Variants in ANKHD1 observed in about 807,000 individuals in gnomAD.
ANKHD1 encodes ankyrin repeat and KH domain-containing protein 1.
In ANKHD1, 31 loss-of-function variants were observed where a neutral mutation model predicts 230.5. That is an observed-to-expected ratio of 0.13 (90% CI 0.10 to 0.18). The LOEUF is 0.18. Among genes scored for constraint, ANKHD1 ranks in the 10% least tolerant of loss-of-function variants. ANKHD1 has a pLI of 1.00. For synonymous variants in ANKHD1, 1,074 were observed against 1,117.6 expected (o/e 0.96, Z 0.78); for missense variants, 2,256 against 3,071.3 (o/e 0.73, Z 6.27).
intron 1 of ANKHD1, among the ~76,000 whole-genome samples, chr5:140,406,227 GAC>G (rs1770427080): frequency 6.7e-6 from 1 of 148,912 alleles, no homozygotes; most frequent in Non-Finnish European, 1.5e-5. Flanking sequence ...GACAGAGAGA[GAC>G]TCTGTCTCAA....
At position 140,432,340 on chromosome 5, in the gene ANKHD1, G is replaced by A. The variant is rs182124909; in HGVS notation, c.307-3764G>A. Among the ~76,000 whole-genome samples the A allele has an allele frequency of 1.9e-3, 296 of 152,224 alleles. 1 individual carries two copies. Among genetic ancestry groups the A allele is most frequent in the African/African-American group, 6.9e-3 (287 of 41,534 alleles). ...TCATATAAATGGGATCATATAATGG[G>A]ACCTTTTGTGTCTCCCTTCTTTCAC... is the stretch of plus-strand genomic sequence containing the variant. On this transcript the variant is annotated intron_variant, in intron 1 of 33. Coordinates refer to ENST00000360839, the MANE Select transcript of ANKHD1 (RefSeq NM_017747.3).
chr5:140,522,073 C>T (rs1753374586), intron 24 of ANKHD1, among the ~76,000 whole-genome samples: 1 of 152,202 alleles, frequency 6.6e-6, no homozygotes. Context: ...TTATGACTGT[C>T]ATAAAAAGAA....
At chr5:140,455,512 C>T (rs2126956511) in intron 7 of ANKHD1, among the ~76,000 whole-genome samples, 1 of 152,268 alleles carries the variant, frequency 6.6e-6, no homozygotes, top group African/African-American at 2.4e-5. Flanking sequence ...AAAGCTTATC[C>T]ACCATGATCA....
intron 14 of ANKHD1, among the ~76,000 whole-genome samples, chr5:140,489,175 G>GC (rs541469134): frequency 7.9e-4 from 118 of 149,956 alleles, no homozygotes; most frequent in African/African-American, 2.8e-3. Context: ...GGGCCACAGA[G>GC]CGAGACCTTG....
chr5:140,506,811 C>T lies in ANKHD1; in HGVS notation c.3409-24C>T, dbSNP rs1386423371. On this transcript the variant is annotated intron_variant, in intron 18 of 33. Transcript: ENST00000360839. This position sits in a 1 kb window ranked among gnomAD's most constrained non-coding sequence, Gnocchi z 4.7. ...TTGAGCCCTTGGTGTAAACTCTCTT[C>T]TCTATCCATATTTTACTTTGTAGGT... 2 of 1,613,542 alleles carry T rather than the reference C, an allele frequency of 1.2e-6. No homozygotes were observed. The highest frequency in any genetic ancestry group is 1.7e-6 in the Non-Finnish European group (2 of 1,179,844).
At chr5:140,421,946 C>A (rs1397561674) in intron 1 of ANKHD1, among the ~76,000 whole-genome samples, 1 of 152,182 alleles carries the variant, frequency 6.6e-6, no homozygotes. Context: ...ATCACGAGTA[C>A]TATTGTATAT....
intron 18 of ANKHD1, 127 bp downstream of exon 18, chr5:140,505,996 G>T (rs977424069): frequency 5.0e-6 from 7 of 1,411,818 alleles, no homozygotes; most frequent in African/African-American, 4.4e-5. Context: ...CTGAGGCAGG[G>T]TCTTGCTCTG....
At chr5:140,487,268 T>C (rs1331145937) in intron 14 of ANKHD1, among the ~76,000 whole-genome samples, 1 of 152,196 alleles carries the variant, frequency 6.6e-6, no homozygotes, top group African/African-American at 2.4e-5. Flanking sequence ...AACATACTGA[T>C]AGTTGTAGCT....
At chr5:140,467,124 A>G (rs2126985927) in intron 10 of ANKHD1, among the ~76,000 whole-genome samples, 1 of 152,188 alleles carries the variant, frequency 6.6e-6, no homozygotes, top group South Asian at 2.1e-4. Flanking sequence ...CTTGTGTTCT[A>G]TCATAATCTT....
rs748817259 is a variant in ANKHD1, at chr5:140,539,384, A to G, written c.7595A>G (p.His2532Arg). 11 of 1,613,984 alleles carry G rather than the reference A, an allele frequency of 6.8e-6. No homozygotes were observed. The highest frequency in any genetic ancestry group is 3.3e-5 in the Admixed American group (2 of 59,996). Residue 2532 changes from histidine (H) to arginine (R), a missense_variant, in exon 34 of 34, where the codon CAT becomes CGT. Coordinates refer to ENST00000360839, the MANE Select transcript of ANKHD1 (RefSeq NM_017747.3). ...ATTTGGCCTGGCACGTGGGCACCTC[A>G]TATTGGAAACATGCATCTCAAATAT... ...QQIWPGTWAP[H>R]IGNMHLKYVN
intron 1 of ANKHD1, among the ~76,000 whole-genome samples, chr5:140,427,267 C>G (rs1388817066): frequency 6.9e-6 from 1 of 145,696 alleles, no homozygotes; most frequent in African/African-American, 2.5e-5. Flanking sequence ...GCTGGCCGGG[C>G]GGGGGGCTGA....
intron 23 of ANKHD1, 84 bp from the exon 24 acceptor site, chr5:140,513,279 C>T (rs1391441027): frequency 6.7e-6 from 9 of 1,352,694 alleles, no homozygotes; most frequent in South Asian, 1.5e-5. Context: ...GAACTTTAAC[C>T]TCTGGACTTT....
intron 29 of ANKHD1, among the ~76,000 whole-genome samples, chr5:140,532,205 TAAA>T (rs78497065): frequency 7.1e-5 from 9 of 126,618 alleles, no homozygotes; most frequent in Admixed American, 8.1e-5. Context: ...GACTCTGTCT[TAAA>T]AAAAAAAAAA....
rs144092537 is a variant in ANKHD1, at chr5:140,470,370, G to A, written c.1782+5594G>A. On this transcript the variant is annotated intron_variant, in intron 10 of 33. Transcript: ENST00000360839. ...ATTTTTTTTTTTTTTAGTGGTGACC[G>A]TGGGGTGATATTTTCTTTTTTTTAA... 8.3e-3 allele frequency among the ~76,000 whole-genome samples: 1,244 copies of A among 150,354 alleles called. 11 individuals are homozygous for A. The highest frequency in any genetic ancestry group is 0.029 in the African/African-American group (1,172 of 41,034).
chr5:140,416,735 T>G (rs1402282161), intron 1 of ANKHD1, among the ~76,000 whole-genome samples: 1 of 152,146 alleles, frequency 6.6e-6, no homozygotes, highest in Admixed American at 6.6e-5. Flanking sequence ...TCCTCCCACC[T>G]TGGCCTCCTA....
At chr5:140,471,921 A>G (rs1776523772) in intron 10 of ANKHD1, among the ~76,000 whole-genome samples, 2 of 152,150 alleles carry the variant, frequency 1.3e-5, no homozygotes, top group Admixed American at 1.3e-4. Context: ...TTGGTTAGAT[A>G]TTTTTAAATG....
At chr5:140,472,437 G>T (rs1581307429) in intron 10 of ANKHD1, 2 of 1,374,644 alleles carry the variant, frequency 1.5e-6, no homozygotes, top group East Asian at 5.6e-5. Context: ...AATTGAAAAA[G>T]ATTATGAAGT....
chr5:140,465,931 G>A (rs1218459068), intron 10 of ANKHD1, among the ~76,000 whole-genome samples: 1 of 151,996 alleles, frequency 6.6e-6, no homozygotes, highest in Non-Finnish European at 1.5e-5. Flanking sequence ...ATAAAAATTA[G>A]GAATTGAAGT....
intron 11 of ANKHD1, 104 bp downstream of exon 11, chr5:140,482,771 T>G: frequency 8.2e-7 from 1 of 1,212,528 alleles, no homozygotes; most frequent in Non-Finnish European, 1.1e-6. Context: ...TACAGTAAAG[T>G]ATTGTATTCT....
Sources: allele counts gnomAD v4.1 joint callset (sites outside exome capture counted in the v4.1 genomes callset), GRCh38; gene constraint gnomAD v4.1.1; non-coding constraint Gnocchi (gnomAD v3.1); transcripts MANE v1.5; gene names NCBI Gene and HGNC (gene_info 2026-07-23, HGNC 2026-07-21).